CHN2: variants seen among roughly 807,000 people sequenced by gnomAD.
CHN2 encodes the protein chimerin 2, also known as beta-chimaerin.
In CHN2, 35 loss-of-function variants were observed where a neutral mutation model predicts 56.3. The observed-to-expected ratio is 0.62, with a 90% CI of 0.47 to 0.82. CHN2 has a LOEUF of 0.82. Among genes scored for constraint, CHN2 ranks in the 40% least tolerant of loss-of-function variants. The probability of loss-of-function intolerance (pLI) is 0.00; values close to 1 mark genes in which losing one functional copy is unlikely to be tolerated. For synonymous variants in CHN2, 210 were observed against 212.8 expected (o/e 0.99, Z 0.12); for missense variants, 491 against 580.5 (o/e 0.85, Z 1.58).
chr7:29,156,439 A>G (rs1020676004), intron 2 of CHN2, among the ~76,000 whole-genome samples: 6 of 152,224 alleles, frequency 3.9e-5, no homozygotes, highest in Non-Finnish European at 5.9e-5. Flanking sequence ...CGAAAACTCC[A>G]TAAAGCTCTA....
At chr7:29,438,396 G>C (rs376343020) in intron 6 of CHN2, among the ~76,000 whole-genome samples, 4 of 152,134 alleles carry the variant, frequency 2.6e-5, no homozygotes, top group African/African-American at 9.7e-5. Flanking sequence ...CATATTTCTA[G>C]ATCACCAAAT....
chr7:29,192,625 CTT>C (rs1290022712), upstream of CHN2: 1 of 152,246 alleles, frequency 6.6e-6, no homozygotes, highest in Admixed American at 6.5e-5. Context: ...CTTACAATCA[CTT>C]TGGAACACAA....
At chr7:29,226,926 G>A (rs1786251498) in intron 1 of CHN2, among the ~76,000 whole-genome samples, 1 of 152,164 alleles carries the variant, frequency 6.6e-6, no homozygotes, top group African/African-American at 2.4e-5. Context: ...TAGGTAGGAG[G>A]CATTCGTGTT....
At chr7:29,379,234 T>C (rs973166300) in intron 3 of CHN2, among the ~76,000 whole-genome samples, 4 of 152,218 alleles carry the variant, frequency 2.6e-5, no homozygotes, top group Non-Finnish European at 5.9e-5. Context: ...TTCTTTGACC[T>C]TCTTTCTGAT....
In CHN2 at chr7:29,496,361, T is replaced by C. The variant is rs188915261; in HGVS notation, c.739+325T>C. Among the ~76,000 whole-genome samples, 37 of 151,824 alleles carry C rather than the reference T, an allele frequency of 2.4e-4. No individual in the cohort carries two copies. The East Asian group carries it at 7.2e-3, about 29-fold the overall frequency. ...TGGAACTGCATAGCTAGAAAAGCCA[T>C]ACTTTGTCCTACCCCATCTTGCTAC... On this transcript the variant is annotated intron_variant, in intron 8 of 12. Coordinates refer to ENST00000222792, the MANE Select transcript of CHN2 (RefSeq NM_004067.4).
chr7:29,420,890 A>C (rs117422089), intron 6 of CHN2, among the ~76,000 whole-genome samples: 5,642 of 151,194 alleles, frequency 0.037, 192 homozygotes, highest in East Asian at 0.16. Context: ...GCTCACTGCA[A>C]CCCCTGCCCC....
chr7:29,462,175 T>A (rs1310723923), intron 6 of CHN2, among the ~76,000 whole-genome samples: 2 of 152,206 alleles, frequency 1.3e-5, no homozygotes, highest in Non-Finnish European at 2.9e-5. Context: ...AATTCTTTTT[T>A]AAAAACTTGA....
intron 4 of CHN2, chr7:29,397,140 A>T (rs1480450373): frequency 6.6e-6 from 1 of 152,236 alleles, no homozygotes; most frequent in Non-Finnish European, 1.5e-5. Flanking sequence ...ACCTTTAAGA[A>T]GCGATTTTGA....
chr7:29,492,215 C>T (rs1213229964), intron 7 of CHN2, among the ~76,000 whole-genome samples: 2 of 152,166 alleles, frequency 1.3e-5, no homozygotes. Context: ...TGTCTTCCTG[C>T]TGAAGAAAAC....
intron 6 of CHN2, among the ~76,000 whole-genome samples, chr7:29,459,906 G>A (rs913083859): frequency 2.0e-5 from 3 of 152,152 alleles, no homozygotes; most frequent in Admixed American, 6.5e-5. Flanking sequence ...GGAGCAGGAC[G>A]GGGAGGAGGC....
At chr7:29,272,770 A>G (rs1367206804) in intron 1 of CHN2, among the ~76,000 whole-genome samples, 1 of 152,214 alleles carries the variant, frequency 6.6e-6, no homozygotes, top group Non-Finnish European at 1.5e-5. Flanking sequence ...CCATATGCTT[A>G]TTATGTGCCA....
At chr7:29,311,235 T>A (rs759504312) in intron 1 of CHN2, among the ~76,000 whole-genome samples, 11 of 152,168 alleles carry the variant, frequency 7.2e-5, no homozygotes, top group Non-Finnish European at 1.5e-4. Context: ...CTTACACCGT[T>A]CCATTGTCCT....
chr7:29,212,172 C>T, intron 1 of CHN2: 1 of 592,518 alleles, frequency 1.7e-6, no homozygotes, highest in East Asian at 2.8e-5. Context: ...TCACTTCATC[C>T]CAACTTCTTG....
chr7:29,367,706 T>C (rs1013097497), intron 2 of CHN2, among the ~76,000 whole-genome samples: 2 of 152,198 alleles, frequency 1.3e-5, no homozygotes, highest in Admixed American at 1.3e-4. Flanking sequence ...AAATTGGCCT[T>C]ATAAGAATAA....
intron 1 of CHN2, among the ~76,000 whole-genome samples, chr7:29,346,203 A>G (rs1261526992): frequency 1.3e-5 from 2 of 152,174 alleles, no homozygotes; most frequent in Non-Finnish European, 2.9e-5. Flanking sequence ...GCCTGACAAG[A>G]TCATAGCTAC....
At chr7:29,350,831 C>T (rs1379196042) in intron 1 of CHN2, among the ~76,000 whole-genome samples, 5 of 152,122 alleles carry the variant, frequency 3.3e-5, no homozygotes, top group African/African-American at 9.7e-5. Context: ...ACAATGCGGC[C>T]GGGCGAGGTG....
At chr7:29,347,170 T>C (rs1797511402) in intron 1 of CHN2, among the ~76,000 whole-genome samples, 1 of 152,110 alleles carries the variant, frequency 6.6e-6, no homozygotes, top group South Asian at 2.1e-4. Context: ...TGTGGGGAAA[T>C]GGGCATTCTT....
intron 1 of CHN2, among the ~76,000 whole-genome samples, chr7:29,306,176 A>G (rs950929822): frequency 2.0e-5 from 3 of 152,170 alleles, no homozygotes; most frequent in Admixed American, 6.5e-5. Context: ...GATTTACTCA[A>G]TAGCGCACTG....
At chr7:29,386,496 C>A (rs1800926300) in intron 3 of CHN2, among the ~76,000 whole-genome samples, 2 of 152,096 alleles carry the variant, frequency 1.3e-5, no homozygotes. Context: ...TTTGTTCTTT[C>A]AATAATTGGA....
Sources: gnomAD v4.1 joint callset for allele counts (sites outside exome capture counted in the v4.1 genomes callset) on GRCh38, gnomAD v4.1.1 for gene constraint, MANE v1.5 for transcripts, NCBI Gene and HGNC (gene_info 2026-07-23, HGNC 2026-07-21) for gene names.